FHL3: variants seen among roughly 807,000 people sequenced by gnomAD.
The protein encoded by FHL3 is four and a half LIM domains 3, also known as four and a half LIM domains protein 3.
FHL3 carries 21 observed loss-of-function variants against 34.3 expected under a neutral mutation model. The observed-to-expected ratio is 0.61, with a 90% CI of 0.43 to 0.88. The LOEUF (loss-of-function observed/expected upper bound fraction) is 0.88. FHL3 is among the 40% of genes least tolerant of loss of function. The pLI is 0.00. For missense variants in FHL3, 333 were observed against 373.7 expected (o/e 0.89, Z 0.90); for synonymous variants, 137 against 144.6 (o/e 0.95, Z 0.38).
chr1:38,004,056 G>GGA (rs1052788911), intron 1 of FHL3, among the ~76,000 whole-genome samples: 6 of 152,048 alleles, frequency 3.9e-5, no homozygotes, highest in Middle Eastern at 3.2e-3. Flanking sequence ...GAAGCTGACA[G>GGA]GAGACTTAAG....
At chr1:37,998,804 T>G (rs1270229628) in intron 3 of FHL3, 170 bp downstream of exon 3, 2 of 650,554 alleles carry the variant, frequency 3.1e-6, no homozygotes, top group Non-Finnish European at 5.3e-6. Flanking sequence ...CTGTACATAG[T>G]AGCCCCCAGG....
intron 1 of FHL3, among the ~76,000 whole-genome samples, chr1:38,005,106 A>C (rs1646630874): frequency 6.6e-6 from 1 of 150,648 alleles, no homozygotes; most frequent in Non-Finnish European, 1.5e-5. Flanking sequence ...TCTATTTCAA[A>C]CTTAGCCCCC....
intron 3 of FHL3, among the ~76,000 whole-genome samples, chr1:37,998,411 C>T (rs762194295): frequency 3.3e-5 from 5 of 152,144 alleles, no homozygotes; most frequent in Non-Finnish European, 7.4e-5. Flanking sequence ...CTCCATGTAA[C>T]AGTCATGAAG....
Position 37,999,384 on chromosome 1 carries a change from C to T in FHL3, c.29G>A (p.Cys10Tyr). The T allele has an allele frequency of 6.2e-7, 1 of 1,614,222 alleles. No individual in the cohort carries two copies. Among genetic ancestry groups the T allele is most frequent in the Non-Finnish European group, 8.5e-7 (1 of 1,180,042 alleles). The change falls in exon 2 of 6, where the codon TGC (cysteine) becomes TAC (tyrosine). Residue 10 changes from cysteine to tyrosine, a missense_variant. Transcript: ENST00000373016. MSESFDCAK[C>Y]NESLYGRKYI... Reference sequence around the variant, plus strand: ...CTTGCGTCCATACAGGGACTCGTTGCATTTTGCACAGTCAAATGACTCGCT... The same window carrying T: ...CTTGCGTCCATACAGGGACTCGTTGTATTTTGCACAGTCAAATGACTCGCT...
intron 1 of FHL3, among the ~76,000 whole-genome samples, chr1:38,003,232 G>C (rs1006306570): frequency 5.9e-5 from 9 of 152,186 alleles, no homozygotes; most frequent in Non-Finnish European, 1.3e-4. Context: ...CTCCTGAGTA[G>C]ATGGGACTAC....
rs182500835 is a variant in FHL3 at position 38,001,843 on chromosome 1, G to A, written c.-20-2411C>T. ...GCTCAAGCTGTAAGGTTTGAATCCT[G>A]GCTCCTGCACTTACTGGCTGAGTGA... On this transcript the variant is annotated intron_variant, in intron 1 of 5. Transcript: ENST00000373016. Among the ~76,000 whole-genome samples, 484 of 152,278 alleles carry A rather than the reference G, an allele frequency of 3.2e-3. 4 individuals carry two copies. Among genetic ancestry groups the A allele is most frequent in the African/African-American group, 0.011 (459 of 41,552 alleles).
Position 37,997,945 on chromosome 1 carries a change from G to A in FHL3, c.501+18C>T. 3.1e-6 allele frequency: 5 copies of A among 1,614,070 alleles called. No homozygotes were observed. The highest frequency in any genetic ancestry group is 2.2e-5 in the East Asian group (1 of 44,872). Reference sequence around the variant, plus strand: ...CAACAGGCCTCACTCACCCCCACCTGGCTGGCCCAGCCCCCACCTTGCTGC... The same window carrying A: ...CAACAGGCCTCACTCACCCCCACCTAGCTGGCCCAGCCCCCACCTTGCTGC... On this transcript the variant is annotated intron_variant, in intron 4 of 5. Coordinates refer to ENST00000373016, the MANE Select transcript of FHL3 (RefSeq NM_004468.5). The surrounding 1 kb of genome is among the most constrained non-coding windows in gnomAD (Gnocchi z 4.3).
chr1:37,997,789 G>C lies in FHL3; in HGVS notation c.583C>G (p.Leu195Val). Residue 195 changes from leucine to valine, a missense_variant, in exon 5 of 6, where the codon CTG (leucine) becomes GTG (valine). Physicochemically the swap from Leu to Val is conservative, Grantham distance 32. Transcript: ENST00000373016. The surrounding 1 kb of genome is among the most constrained non-coding windows in gnomAD (Gnocchi z 4.3). ...CGGGAGGTGAACTGCTGCCCTGCCA[G>C]GGGCGTCTGGCATCCGGTACAGACC... ...CLVCTGCQTPLAGQQFTSRDE... is the reference protein window; with the variant it reads ...CLVCTGCQTPVAGQQFTSRDE... 1 of 1,614,144 alleles carries C rather than the reference G, an allele frequency of 6.2e-7. No homozygotes were observed. The highest frequency in any genetic ancestry group is 8.5e-7 in the Non-Finnish European group (1 of 1,179,998).
intron 1 of FHL3, among the ~76,000 whole-genome samples, chr1:38,000,529 G>T (rs1167069121): frequency 6.6e-6 from 1 of 152,126 alleles, no homozygotes; most frequent in Non-Finnish European, 1.5e-5. Context: ...CTTGGGTGGG[G>T]AGTAGGACAA....
intron 1 of FHL3, among the ~76,000 whole-genome samples, chr1:38,003,809 G>A (rs1421810998): frequency 6.6e-6 from 1 of 152,178 alleles, no homozygotes; most frequent in Non-Finnish European, 1.5e-5. Flanking sequence ...GAAGCGGATG[G>A]TGACATGGGG....
At chr1:38,001,398 T>C (rs903783889) in intron 1 of FHL3, among the ~76,000 whole-genome samples, 4 of 152,224 alleles carry the variant, frequency 2.6e-5, no homozygotes, top group Admixed American at 1.3e-4. Context: ...GGCTGCCACC[T>C]TCTCAGGCCC....
intron 3 of FHL3, 21 bp from the exon 4 acceptor site, chr1:37,998,153 A>G: frequency 6.2e-7 from 1 of 1,611,750 alleles, no homozygotes; most frequent in Non-Finnish European, 8.5e-7. Flanking sequence ...CAGGGGTCCC[A>G]TTTAGAGGTT....
Position 38,001,886 on chromosome 1 carries a change from A to C in FHL3, c.-20-2454T>G, listed in dbSNP as rs140143203. On this transcript the variant is annotated intron_variant, in intron 1 of 5. Coordinates refer to ENST00000373016, the MANE Select transcript of FHL3 (RefSeq NM_004468.5). ...CTGAGTGATCTTGGGCAAATCCCTA[A>C]GCCTGTTTTCCCATCTAATTAAATG... 2.8e-3 allele frequency among the ~76,000 whole-genome samples: 424 copies of C among 152,248 alleles called. 1 individual carries two copies. Among genetic ancestry groups the C allele is most frequent in the Non-Finnish European group, 3.9e-3 (268 of 68,028 alleles).
Position 37,997,814 on chromosome 1 carries a change from C to G in FHL3, c.558G>C (p.Leu186=), listed in dbSNP as rs1239099595. The change falls in exon 5 of 6, where the codon CTG becomes CTC. Residue 186 remains leucine (L), a synonymous_variant. Coordinates refer to ENST00000373016, the MANE Select transcript of FHL3 (RefSeq NM_004468.5). The surrounding 1 kb of genome is among the most constrained non-coding windows in gnomAD (Gnocchi z 4.3). ...YRDQPWHREC[L]VCTGCQTPLA... is the part of the protein sequence containing the mutation. ...GGGGCGTCTGGCATCCGGTACAGAC[C>G]AGACATTCTCGATGCCACGGCTGAT... The G allele has an allele frequency of 5.0e-6, 8 of 1,614,044 alleles. No homozygotes were observed. In the South Asian group the frequency reaches 8.8e-5, roughly 18 times the overall value.
chr1:37,998,529 G>A (rs1354693150), intron 3 of FHL3, among the ~76,000 whole-genome samples: 1 of 152,100 alleles, frequency 6.6e-6, no homozygotes, highest in African/African-American at 2.4e-5. Flanking sequence ...AAGTTCTAAT[G>A]CCCTGGGCAT....
chr1:38,003,992 C>T (rs1180526872), intron 1 of FHL3, among the ~76,000 whole-genome samples: 1 of 152,018 alleles, frequency 6.6e-6, no homozygotes, highest in Admixed American at 6.6e-5. Flanking sequence ...AGGACCCTGG[C>T]CAGGTCCCAC....
intron 1 of FHL3, among the ~76,000 whole-genome samples, chr1:38,000,698 G>A (rs1027905380): frequency 1.3e-5 from 2 of 152,136 alleles, no homozygotes; most frequent in Admixed American, 6.5e-5. Flanking sequence ...GGGAAGTGGG[G>A]TTCCCAGACC....
chr1:37,996,989 G>A lies in FHL3; in HGVS notation c.*416C>T, dbSNP rs1284291081. 6.0e-6 allele frequency: 1 copy of A among 167,352 alleles called. No homozygotes were observed. The highest frequency in any genetic ancestry group is 1.3e-5 in the Non-Finnish European group (1 of 77,144). 10.4% of individuals were successfully genotyped at this position (167,352 alleles called of 1,614,324 possible). A position where few individuals can be genotyped will look rare whatever the true frequency, so the allele number is the denominator to read the frequency against. On this transcript the variant is annotated 3_prime_UTR_variant, in exon 6 of 6. Coordinates refer to ENST00000373016, the MANE Select transcript of FHL3 (RefSeq NM_004468.5). ...ATGGGGTGGGGCAGGTCAAGCCTGA[G>A]AACAGTCCACTTTCAAGGACTTCCC...
intron 1 of FHL3, among the ~76,000 whole-genome samples, chr1:38,002,320 G>A (rs1646604234): frequency 6.6e-6 from 1 of 151,864 alleles, no homozygotes; most frequent in Non-Finnish European, 1.5e-5. Context: ...GGATGGTCTC[G>A]AACTCCTGAC....
Sources: allele counts gnomAD v4.1 joint callset (sites outside exome capture counted in the v4.1 genomes callset), GRCh38; gene constraint gnomAD v4.1.1; non-coding constraint Gnocchi (gnomAD v3.1); transcripts MANE v1.5; gene names NCBI Gene and HGNC (gene_info 2026-07-23, HGNC 2026-07-21).